The following SNAI3 variants were observed in gnomAD, a reference collection of about 807,000 sequenced individuals.
The protein encoded by SNAI3 is snail family transcriptional repressor 3.
In SNAI3, 21 loss-of-function variants were observed where a neutral mutation model predicts 16.4. The observed-to-expected ratio is 1.28, with a 90% confidence interval of 0.91 to 1.85. The LOEUF (loss-of-function observed/expected upper bound fraction) is 1.85. SNAI3 is among the 40% of genes most tolerant of loss of function. SNAI3 has a pLI of 0.00. For synonymous variants in SNAI3, 202 were observed against 166.6 expected, an observed-to-expected ratio of 1.21 and a Z score of -1.64; for missense variants, 457 against 372.8, an observed-to-expected ratio of 1.23 and a Z score of -1.86.
In SNAI3 at chr16:88,677,903, G is replaced by A. The variant is rs1909024296; in HGVS notation, c.*545C>T. Reference sequence around the variant, plus strand: ...AGGGCACGTGTGTGTACATGTTTGAGTGTGTGTGCACATGCACATAGACGT... The same window carrying A: ...AGGGCACGTGTGTGTACATGTTTGAATGTGTGTGCACATGCACATAGACGT... On this transcript the variant is annotated 3_prime_UTR_variant, in exon 3 of 3. Transcript: ENST00000332281. The A allele has an allele frequency of 6.5e-6, 1 of 153,484 alleles. No individual in the cohort carries two copies. The highest frequency in any genetic ancestry group is 1.5e-5 in the Non-Finnish European group (1 of 68,764). The allele number at this position is 153,484 out of a possible 1,614,324, so 9.5% of individuals were successfully genotyped here.
rs142425800 is a variant in SNAI3, at chr16:88,681,098, G to C, written c.693C>G (p.His231Gln). 23 of 1,608,482 alleles carry C rather than the reference G, an allele frequency of 1.4e-5. No homozygotes were observed. The highest frequency in any genetic ancestry group is 1.6e-5 in the Non-Finnish European group (19 of 1,176,098). The stretch of plus-strand genomic sequence containing the variant: ...CAGACCTTCACCCTGTCCTACCTGT[G>C]TGGGTGCGGACATGGCCCTGCAGTA... Reference protein sequence around the residue: ...PWLLQGHVRTHTGEKPYACSH... With the variant: ...PWLLQGHVRTQTGEKPYACSH... The change falls in exon 2 of 3, where the codon CAC (histidine) becomes CAG (glutamine). Residue 231 changes from histidine (H) to glutamine (Q), a missense_variant. Transcript: ENST00000332281. The surrounding 1 kb of genome is among the most constrained non-coding windows in gnomAD (Gnocchi z 5.4).
intron 1 of SNAI3, among the ~76,000 whole-genome samples, chr16:88,682,662 C>T (rs1468667231): frequency 1.3e-5 from 2 of 150,796 alleles, no homozygotes; most frequent in African/African-American, 4.9e-5. Flanking sequence ...GCAAATCAGA[C>T]TTCTGATCAG....
chr16:88,682,714 A>C (rs1015856468), intron 1 of SNAI3, among the ~76,000 whole-genome samples: 2 of 151,878 alleles, frequency 1.3e-5, no homozygotes, highest in African/African-American at 4.8e-5. Flanking sequence ...GGATGTTAGC[A>C]AGTCGACAAT....
chr16:88,681,487 T>C lies in SNAI3; in HGVS notation c.304A>G (p.Ile102Val). 1 of 1,563,758 alleles carries C rather than the reference T, an allele frequency of 6.4e-7. No homozygotes were observed. The highest frequency in any genetic ancestry group is 8.7e-7 in the Non-Finnish European group (1 of 1,148,908). The change falls in exon 2 of 3, where the codon ATT becomes GTT. Residue 102 changes from isoleucine to valine, a missense_variant. By Grantham distance (29) the Ile-to-Val change is conservative. Transcript: ENST00000332281. This position sits in a 1 kb window ranked among gnomAD's most constrained non-coding sequence, Gnocchi z 5.4. ...TTCAGGCTGTCTTTGAGGGGTACAATGGCGGCCCGGCTGGCCCGAGGGTCG... is the reference window on the plus strand; with the variant it reads ...TTCAGGCTGTCTTTGAGGGGTACAACGGCGGCCCGGCTGGCCCGAGGGTCG... ...EVDPRASRAA[I>V]VPLKDSLNHL...
chr16:88,682,689 A>G (rs2142946444), intron 1 of SNAI3, among the ~76,000 whole-genome samples: 1 of 152,030 alleles, frequency 6.6e-6, no homozygotes, highest in Middle Eastern at 3.4e-3. Context: ...CATCTAGAAC[A>G]CTAGAACATA....
At chr16:88,679,305 G>T (rs1054514591) in intron 2 of SNAI3, among the ~76,000 whole-genome samples, 15 of 152,354 alleles carry the variant, frequency 9.8e-5, no homozygotes, top group African/African-American at 3.6e-4. Context: ...ACGGAAAGGG[G>T]GTGTGTGGGG....
chr16:88,678,712 T>C, intron 2 of SNAI3, 83 bp from the exon 3 acceptor site: 1 of 1,487,854 alleles, frequency 6.7e-7, no homozygotes, highest in Non-Finnish European at 8.9e-7. Context: ...CAATGGATAC[T>C]CCCATCCCTT....
Position 88,683,597 on chromosome 16 carries a change from G to A in SNAI3, c.77-1883C>T, listed in dbSNP as rs555167901. ...TTTGAGCTGGAGTCTCACTCTTGTCGCCCAGGCTGGAGTGCAATGGCGTGA... is the reference window on the plus strand; with the variant it reads ...TTTGAGCTGGAGTCTCACTCTTGTCACCCAGGCTGGAGTGCAATGGCGTGA... On this transcript the variant is annotated intron_variant, in intron 1 of 2. Transcript: ENST00000332281. Among the ~76,000 whole-genome samples the A allele has an allele frequency of 6.8e-4, 71 of 104,384 alleles. 1 individual carries two copies. The highest frequency in any genetic ancestry group is 2.6e-3 in the African/African-American group (66 of 25,416). 68.5% of individuals were successfully genotyped at this position (104,384 alleles called of 152,430 possible).
Position 88,678,332 on chromosome 16 carries a change from C to T in SNAI3, c.*116G>A, listed in dbSNP as rs1248445167. The stretch of plus-strand genomic sequence containing the variant: ...TGATTGGACGCAGATGTGGAGGACG[C>T]ACCAAGTGTGAGGCCAGGCCCCGCC... On this transcript the variant is annotated 3_prime_UTR_variant, in exon 3 of 3. Coordinates refer to ENST00000332281, the MANE Select transcript of SNAI3 (RefSeq NM_178310.4). 3.3e-5 allele frequency: 20 copies of T among 606,404 alleles called. No homozygotes were observed. The Admixed American group carries it at 5.0e-4, about 15-fold the overall frequency. The allele number at this position is 606,404 out of a possible 1,614,324, so 37.6% of individuals were successfully genotyped here. A position where few individuals can be genotyped will look rare whatever the true frequency, so the allele number is the denominator to read the frequency against.
At chr16:88,678,763 G>C (rs565019553) in intron 2 of SNAI3, 134 bp from the exon 3 acceptor site, 1 of 1,440,516 alleles carries the variant, frequency 6.9e-7, no homozygotes, top group Admixed American at 2.6e-5. Flanking sequence ...AGGTTGAGCT[G>C]TGTGGGGACG....
chr16:88,679,533 G>A (rs561527926), intron 2 of SNAI3, among the ~76,000 whole-genome samples: 6 of 151,894 alleles, frequency 4.0e-5, no homozygotes, highest in South Asian at 2.1e-4. Context: ...AGGCCGAGGC[G>A]GGTGGATCAC....
At chr16:88,682,762 ATTTTTTTTTTTTTTTTT>A (rs71158747) in intron 1 of SNAI3, among the ~76,000 whole-genome samples, 1 of 60,652 alleles carries the variant, frequency 1.6e-5, no homozygotes, top group South Asian at 9.3e-4. Context: ...TGGGCAAGGG[ATTTTTTTTTTTTTTTTT>A]TTTTTTTTTT....
At position 88,681,396 on chromosome 16, in the gene SNAI3, C is replaced by T. The variant is rs374696831; in HGVS notation, c.395G>A (p.Arg132Gln). Residue 132 changes from arginine to glutamine, a missense_variant, in exon 2 of 3, where the codon CGG becomes CAG. Arg to Gln is a conservative substitution (Grantham distance 43). Coordinates refer to ENST00000332281, the MANE Select transcript of SNAI3 (RefSeq NM_178310.4). The surrounding 1 kb of genome is among the most constrained non-coding windows in gnomAD (Gnocchi z 5.4). Reference sequence around the variant, plus strand: ...AAGCAGTTTTTCCGGAGCCCCGTGCCGGTCTGGGCCCAAGGTCGGGGACCA... The same window carrying T: ...AAGCAGTTTTTCCGGAGCCCCGTGCTGGTCTGGGCCCAAGGTCGGGGACCA... ...TRWSPTLGPD[R>Q]HGAPEKLLGA... 3.5e-5 allele frequency: 56 copies of T among 1,612,056 alleles called. No homozygotes were observed. Among genetic ancestry groups the T allele is most frequent in the East Asian group, 1.6e-4 (7 of 44,850 alleles).
chr16:88,683,075 C>A (rs1304032817), intron 1 of SNAI3, among the ~76,000 whole-genome samples: 1 of 147,352 alleles, frequency 6.8e-6, no homozygotes, highest in African/African-American at 2.5e-5. Flanking sequence ...CCGCACCTGG[C>A]CCCCCACCCT....
In SNAI3 at chr16:88,686,380, C is replaced by A; in HGVS notation, c.27G>T (p.Thr9=). The A allele has an allele frequency of 1.2e-6, 2 of 1,611,670 alleles. No individual in the cohort carries two copies. Among genetic ancestry groups the A allele is most frequent in the Non-Finnish European group, 1.7e-6 (2 of 1,179,564 alleles). MPRSFLVK[T]HSSHRVPNYR... is the part of the protein sequence containing the mutation. ...AGTTGGGGACCCTGTGGCTGGAGTG[C>A]GTTTTCACCAGGAAGGAGCGCGGCA... is the stretch of plus-strand genomic sequence containing the variant. The change falls in exon 1 of 3, where the codon ACG becomes ACT. Residue 9 remains threonine (T), a synonymous_variant. Transcript: ENST00000332281.
At chr16:88,682,239 G>T (rs1909199334) in intron 1 of SNAI3, among the ~76,000 whole-genome samples, 1 of 152,216 alleles carries the variant, frequency 6.6e-6, no homozygotes, top group African/African-American at 2.4e-5. Flanking sequence ...CGCCCCTCGG[G>T]CATCTCCTTT....
chr16:88,680,262 CA>C (rs1385418876), intron 2 of SNAI3, among the ~76,000 whole-genome samples: 1 of 131,256 alleles, frequency 7.6e-6, no homozygotes, highest in Admixed American at 8.0e-5. Context: ...ACTTTAATGG[CA>C]TTATGTTTTT....
intron 2 of SNAI3, 157 bp from the exon 3 acceptor site, chr16:88,678,786 A>C (rs1421822326): frequency 1.0e-6 from 1 of 985,342 alleles, no homozygotes; most frequent in South Asian, 4.7e-5. Context: ...GTGGCACGCC[A>C]CATCACCTGA....
intron 2 of SNAI3, among the ~76,000 whole-genome samples, chr16:88,680,015 AAGCTGCAGTG>A (rs1460958546): frequency 3.3e-5 from 5 of 151,772 alleles, no homozygotes; most frequent in African/African-American, 7.3e-5. Flanking sequence ...CAGGCAGTCA[AAGCTGCAGTG>A]AGCTGCAATC....
Sources: allele counts gnomAD v4.1 joint callset (sites outside exome capture counted in the v4.1 genomes callset), GRCh38; gene constraint gnomAD v4.1.1; non-coding constraint Gnocchi (gnomAD v3.1); transcripts MANE v1.5; gene names NCBI Gene and HGNC (gene_info 2026-07-23, HGNC 2026-07-21).